ZCWPW2: variants seen among roughly 807,000 people sequenced by gnomAD.
ZCWPW2 encodes zinc finger CW-type PWWP domain protein 2.
Under a neutral mutation model 46.6 loss-of-function variants are expected in ZCWPW2, and 45 were observed. The ratio of observed to expected loss-of-function variants is 0.96; its 90% confidence interval spans 0.76 to 1.24. ZCWPW2 has a LOEUF of 1.24. ZCWPW2 is among the 50% of genes most tolerant of loss of function. The pLI, the probability that ZCWPW2 is intolerant of heterozygous loss-of-function variation, is 0.00. For synonymous variants in ZCWPW2, 152 were observed against 137.1 expected, an observed-to-expected ratio of 1.11 and a Z score of -0.76; for missense variants, 429 against 403.9, an observed-to-expected ratio of 1.06 and a Z score of -0.53.
intron 4 of ZCWPW2, among the ~76,000 whole-genome samples, chr3:28,439,659 A>C (rs1394544540): frequency 6.6e-6 from 1 of 152,196 alleles, no homozygotes; most frequent in Admixed American, 6.5e-5. Context: ...AACATAATAC[A>C]ACTATCCTTT....
At chr3:28,521,162 CT>C (rs1297016791) in intron 9 of ZCWPW2, 46 bp downstream of exon 9, 1 of 1,551,428 alleles carries the variant, frequency 6.4e-7, no homozygotes, top group Non-Finnish European at 8.6e-7. Context: ...ACTTCAAATT[CT>C]TTAAACAGCA....
intron 5 of ZCWPW2, among the ~76,000 whole-genome samples, chr3:28,490,824 T>C (rs1191846534): frequency 1.3e-5 from 2 of 152,220 alleles, no homozygotes; most frequent in East Asian, 3.9e-4. Flanking sequence ...AGCATATACA[T>C]TGTTTTATAT....
At chr3:28,357,837 C>CT (rs1252397120) in intron 1 of ZCWPW2, among the ~76,000 whole-genome samples, 1 of 143,934 alleles carries the variant, frequency 6.9e-6, no homozygotes, top group Non-Finnish European at 1.5e-5. Context: ...ACATATATAT[C>CT]TGTGCATCCT....
rs199554016 is a variant in ZCWPW2, at chr3:28,365,181, G to C, written c.-134+15978G>C. ...ATCCCATTTGTCAATTTTGGCTTTTGTTGCCATTGCTTTTGGTGTTTTAGA... is the reference window on the plus strand; with the variant it reads ...ATCCCATTTGTCAATTTTGGCTTTTCTTGCCATTGCTTTTGGTGTTTTAGA... On this transcript the variant is annotated intron_variant, in intron 1 of 9. Transcript: ENST00000383768. 6.6e-4 allele frequency among the ~76,000 whole-genome samples: 98 copies of C among 149,618 alleles called. 1 individual carries two copies. In the East Asian group the frequency reaches 0.017, roughly 26 times the overall value.
Position 28,478,791 on chromosome 3 carries a change from TTC to T in ZCWPW2, c.493-21_493-20del, listed in dbSNP as rs148903920. On this transcript the variant is annotated intron_variant, in intron 4 of 9. Coordinates refer to ENST00000383768, the MANE Select transcript of ZCWPW2 (RefSeq NM_001040432.4). Reference sequence around the variant, plus strand: ...GTTATATATTTAAAAATGAATTTTTTTCTTTTTTCTGTATTTATATAGCCAGA... The same window carrying T: ...GTTATATATTTAAAAATGAATTTTTTTTTTTTCTGTATTTATATAGCCAGA... The T allele has an allele frequency of 1.0e-3, 1,339 of 1,319,816 alleles. 8 individuals carry two copies. In the African/African-American group the frequency reaches 0.018, roughly 18 times the overall value. 81.8% of individuals were successfully genotyped at this position (1,319,816 alleles called of 1,614,324 possible).
intron 3 of ZCWPW2, 78 bp downstream of exon 3, chr3:28,413,478 T>A: frequency 8.1e-7 from 1 of 1,239,348 alleles, no homozygotes; most frequent in East Asian, 2.4e-5. Flanking sequence ...TTTTGAAGAC[T>A]AAACATTTTT....
intron 6 of ZCWPW2, among the ~76,000 whole-genome samples, chr3:28,512,464 T>C (rs1211825417): frequency 6.6e-6 from 1 of 152,106 alleles, no homozygotes; most frequent in African/African-American, 2.4e-5. Context: ...GGATTACAGG[T>C]GCGAACCACC....
chr3:28,441,437 T>C (rs1575139105), intron 4 of ZCWPW2, among the ~76,000 whole-genome samples: 1 of 152,328 alleles, frequency 6.6e-6, no homozygotes, highest in Middle Eastern at 3.4e-3. Context: ...CTTGAAGTTT[T>C]GCCTACTGGG....
At position 28,356,172 on chromosome 3, in the gene ZCWPW2, T is replaced by G. The variant is rs36106945; in HGVS notation, c.-134+6969T>G. Among the ~76,000 whole-genome samples, 3 of 151,866 alleles carry G rather than the reference T, an allele frequency of 2.0e-5. No individual in the cohort carries two copies. In the South Asian group the frequency reaches 6.2e-4, roughly 31 times the overall value. On this transcript the variant is annotated intron_variant, in intron 1 of 9. Transcript: ENST00000383768. The stretch of plus-strand genomic sequence containing the variant: ...ATTTACAAGAAAAAATCAAACAACC[T>G]CATCAAAAAGTGGGCAAAGGATATG...
intron 2 of ZCWPW2, among the ~76,000 whole-genome samples, chr3:28,404,857 A>G (rs937964052): frequency 1.3e-5 from 2 of 152,138 alleles, no homozygotes; most frequent in South Asian, 2.1e-4. Flanking sequence ...GAATGACACA[A>G]TGGACTTTGG....
chr3:28,447,353 TA>T (rs1387236698), intron 4 of ZCWPW2, among the ~76,000 whole-genome samples: 1 of 151,456 alleles, frequency 6.6e-6, no homozygotes, highest in Non-Finnish European at 1.5e-5. Flanking sequence ...GTTCAATATA[TA>T]AAAATCAACT....
chr3:28,394,174 A>G (rs1298734791), intron 2 of ZCWPW2, among the ~76,000 whole-genome samples: 3 of 152,132 alleles, frequency 2.0e-5, no homozygotes, highest in South Asian at 2.1e-4. Flanking sequence ...CCCATTTACA[A>G]TAGCATCAAA....
intron 3 of ZCWPW2, among the ~76,000 whole-genome samples, chr3:28,414,479 T>C (rs1222261713): frequency 6.6e-6 from 1 of 152,104 alleles, no homozygotes; most frequent in African/African-American, 2.4e-5. Flanking sequence ...TATTGTACTT[T>C]AAGTTTTAGG....
intron 1 of ZCWPW2, among the ~76,000 whole-genome samples, chr3:28,385,466 A>G (rs370127795): frequency 6.6e-6 from 1 of 152,236 alleles, no homozygotes; most frequent in African/African-American, 2.4e-5. Context: ...CTATTCTGAA[A>G]GCATGGATAT....
At chr3:28,470,110 T>A (rs1698982142) in intron 4 of ZCWPW2, among the ~76,000 whole-genome samples, 2 of 151,980 alleles carry the variant, frequency 1.3e-5, no homozygotes, top group Admixed American at 6.5e-5. Flanking sequence ...AAACTAGAAA[T>A]AAATAACAAG....
At chr3:28,476,144 TATATA>T (rs1386973680) in intron 4 of ZCWPW2, among the ~76,000 whole-genome samples, 1 of 151,326 alleles carries the variant, frequency 6.6e-6, no homozygotes, top group Non-Finnish European at 1.5e-5. Context: ...GTTCTATAAA[TATATA>T]ATATCTCTGG....
chr3:28,439,059 G>GTA (rs1203670480), intron 4 of ZCWPW2, among the ~76,000 whole-genome samples: 4 of 145,178 alleles, frequency 2.8e-5, no homozygotes, highest in Admixed American at 2.0e-4. Context: ...GTGTGTGTGT[G>GTA]TATATATATG....
chr3:28,456,090 A>T (rs547674265), intron 4 of ZCWPW2, among the ~76,000 whole-genome samples: 1 of 152,262 alleles, frequency 6.6e-6, no homozygotes, highest in Non-Finnish European at 1.5e-5. Flanking sequence ...GGCCATTTTC[A>T]TGATATTGAT....
At chr3:28,399,305 G>A (rs1206028388) in intron 2 of ZCWPW2, among the ~76,000 whole-genome samples, 1 of 152,074 alleles carries the variant, frequency 6.6e-6, no homozygotes, top group East Asian at 1.9e-4. Context: ...TCTGAGCTCA[G>A]ACATGCCTAG....
Sources: gnomAD v4.1 joint callset for allele counts (sites outside exome capture counted in the v4.1 genomes callset) on GRCh38, gnomAD v4.1.1 for gene constraint, MANE v1.5 for transcripts, NCBI Gene and HGNC (gene_info 2026-07-23, HGNC 2026-07-21) for gene names.